NTM: variants seen among roughly 807,000 people sequenced by gnomAD.
NTM encodes the protein neurotrimin.
In NTM, 13 loss-of-function variants were observed where a neutral mutation model predicts 42.1. The ratio of observed to expected loss-of-function variants is 0.31; its 90% confidence interval spans 0.20 to 0.49. The LOEUF (loss-of-function observed/expected upper bound fraction) is 0.49, where lower values mean the gene tolerates loss of function less well. NTM is among the 20% of genes least tolerant of loss of function. NTM has a pLI of 0.99. For missense variants in NTM, 373 were observed against 452.8 expected (o/e 0.82, Z 1.60); for synonymous variants, 187 against 179.2 (o/e 1.04, Z -0.35).
chr11:131,918,526 C>T (rs530869670), intron 2 of NTM, among the ~76,000 whole-genome samples: 35 of 152,226 alleles, frequency 2.3e-4, no homozygotes, highest in African/African-American at 7.7e-4. Context: ...GAAACCAAAG[C>T]GCTGAGAGGC....
At chr11:132,185,134 A>C (rs2078197581) in intron 3 of NTM, among the ~76,000 whole-genome samples, 1 of 152,216 alleles carries the variant, frequency 6.6e-6, no homozygotes. Flanking sequence ...ACAAAACAAA[A>C]AATCTCACTG....
chr11:131,734,906 CAG>C (rs1307806630), intron 1 of NTM, among the ~76,000 whole-genome samples: 1 of 152,062 alleles, frequency 6.6e-6, no homozygotes, highest in African/African-American at 2.4e-5. Flanking sequence ...CCAAGAACAA[CAG>C]AAATGTGATG....
chr11:131,543,657 C>T (rs1022045197), intron 1 of NTM, among the ~76,000 whole-genome samples: 1 of 152,192 alleles, frequency 6.6e-6, no homozygotes, highest in Non-Finnish European at 1.5e-5. Context: ...CTCTGCTTCC[C>T]TCTACTCCAG....
intron 1 of NTM, among the ~76,000 whole-genome samples, chr11:131,524,367 T>G (rs2050171845): frequency 6.6e-6 from 1 of 152,174 alleles, no homozygotes; most frequent in Non-Finnish European, 1.5e-5. Context: ...GGCCTGGTGC[T>G]GACATGTGAT....
rs34911090 is a variant in NTM, at chr11:131,556,563, A to AT, written c.82+185697dup. Among the ~76,000 whole-genome samples, 424 of 98,412 alleles carry AT rather than the reference A, an allele frequency of 4.3e-3. 4 individuals are homozygous for AT. The highest frequency in any genetic ancestry group is 0.011 in the African/African-American group (311 of 27,452). 64.6% of individuals were successfully genotyped at this position (98,412 alleles called of 152,430 possible). A position where few individuals can be genotyped will look rare whatever the true frequency, so the allele number is the denominator to read the frequency against. On this transcript the variant is annotated intron_variant, in intron 1 of 8. Transcript: ENST00000683400. ...ACATAATAGCACCTAACACATAGGA[A>AT]TTTTTTTTTTTTTTTTTTTTTTGAG...
chr11:132,295,482 T>A (rs2094579511), intron 4 of NTM, among the ~76,000 whole-genome samples: 1 of 152,136 alleles, frequency 6.6e-6, no homozygotes, highest in African/African-American at 2.4e-5. Context: ...CAATACCGTG[T>A]GATTAGCAAT....
At chr11:131,571,731 C>T (rs1196987519) in intron 1 of NTM, among the ~76,000 whole-genome samples, 1 of 152,200 alleles carries the variant, frequency 6.6e-6, no homozygotes, top group East Asian at 1.9e-4. Flanking sequence ...GTCGGATTTC[C>T]TTCTCTGAAA....
intron 1 of NTM, among the ~76,000 whole-genome samples, chr11:131,674,054 A>G (rs1452578104): frequency 6.6e-6 from 1 of 152,254 alleles, no homozygotes; most frequent in Non-Finnish European, 1.5e-5. Context: ...CAACCTTGAT[A>G]CTTCTGACCT....
intron 1 of NTM, among the ~76,000 whole-genome samples, chr11:131,617,631 T>C (rs1248247533): frequency 1.3e-5 from 2 of 152,148 alleles, no homozygotes; most frequent in African/African-American, 4.8e-5. Context: ...GTGGCTTTAA[T>C]GTGTCCAAGC....
intron 3 of NTM, among the ~76,000 whole-genome samples, chr11:132,198,198 T>G (rs185139001): frequency 5.1e-4 from 78 of 152,334 alleles, no homozygotes; most frequent in Admixed American, 2.0e-3. Flanking sequence ...TATGTCTGTT[T>G]ATACATTTAT....
intron 2 of NTM, among the ~76,000 whole-genome samples, chr11:131,975,545 G>A (rs199973634): frequency 2.0e-5 from 3 of 151,474 alleles, no homozygotes; most frequent in East Asian, 2.0e-4. Context: ...GGGGAGGGGG[G>A]AAAAAAAACC....
Position 132,117,210 on chromosome 11 carries a change from G to A in NTM, c.168-29072G>A, listed in dbSNP as rs573546444. Among the ~76,000 whole-genome samples, 25 of 152,336 alleles carry A rather than the reference G, an allele frequency of 1.6e-4. No homozygotes were observed. In the South Asian group the frequency reaches 4.8e-3, roughly 29 times the overall value. On this transcript the variant is annotated intron_variant, in intron 2 of 8. Coordinates refer to ENST00000683400, the MANE Select transcript of NTM (RefSeq NM_001352005.2). ...TAGTTAACCCTCTAGCAATGCAAAT[G>A]TTGTTCATTCTTGCTACACGAAGAC...
At chr11:131,524,441 G>T (rs902599808) in intron 1 of NTM, among the ~76,000 whole-genome samples, 16 of 152,200 alleles carry the variant, frequency 1.1e-4, no homozygotes, top group Admixed American at 4.6e-4. Context: ...AGAGAAAGGG[G>T]AAATGTAATC....
At chr11:131,868,217 A>C (rs7103055) in intron 1 of NTM, among the ~76,000 whole-genome samples, 3,946 of 152,252 alleles carry the variant, frequency 0.026, 165 homozygotes, top group African/African-American at 0.09. Flanking sequence ...AAAGGAGCTG[A>C]ATTCTCTGGC....
chr11:131,520,978 G>A (rs975311392), intron 1 of NTM, among the ~76,000 whole-genome samples: 1 of 152,098 alleles, frequency 6.6e-6, no homozygotes, highest in African/African-American at 2.4e-5. Context: ...GAAGGGGAAG[G>A]GAAACCAGTG....
At chr11:132,284,501 T>C in intron 4 of NTM, 1 of 154,320 alleles carries the variant, frequency 6.5e-6, no homozygotes. Flanking sequence ...GGACCCTGCT[T>C]CCAAATGCCC....
At chr11:131,552,319 G>T (rs1192331214) in intron 1 of NTM, among the ~76,000 whole-genome samples, 1 of 152,128 alleles carries the variant, frequency 6.6e-6, no homozygotes, top group East Asian at 1.9e-4. Flanking sequence ...AAAACAGTTT[G>T]CCTTTATCTA....
At chr11:131,597,650 C>T (rs548968890) in intron 1 of NTM, among the ~76,000 whole-genome samples, 134 of 152,316 alleles carry the variant, frequency 8.8e-4, no homozygotes, top group African/African-American at 3.1e-3. Flanking sequence ...GAGCTTTGTG[C>T]TCAGTGTCTC....
At chr11:131,452,151 A>G (rs1185915639) in intron 1 of NTM, among the ~76,000 whole-genome samples, 2 of 152,210 alleles carry the variant, frequency 1.3e-5, no homozygotes, top group Admixed American at 6.5e-5. Context: ...ATCACCATCA[A>G]GGACTTCTGA....
Sources: gnomAD v4.1 joint callset for allele counts (sites outside exome capture counted in the v4.1 genomes callset) on GRCh38, gnomAD v4.1.1 for gene constraint, MANE v1.5 for transcripts, NCBI Gene and HGNC (gene_info 2026-07-23, HGNC 2026-07-21) for gene names.